Variants in TANGO6 observed in about 807,000 individuals in gnomAD.
TANGO6 encodes the protein transport and golgi organization 6 homolog, also known as transport and Golgi organization protein 6 homolog.
TANGO6 carries 90 observed loss-of-function variants against 114.2 expected under a neutral mutation model. The observed-to-expected ratio is 0.79, with a 90% CI of 0.66 to 0.94. The LOEUF (loss-of-function observed/expected upper bound fraction) is 0.94, where lower values mean the gene tolerates loss of function less well. TANGO6 is among the 40% of genes least tolerant of loss of function. The probability of loss-of-function intolerance (pLI) is 0.00; values close to 1 mark genes in which losing one functional copy is unlikely to be tolerated. For synonymous variants in TANGO6, 477 were observed against 509.8 expected (o/e 0.94, Z 0.87); for missense variants, 1,274 against 1,315.3 (o/e 0.97, Z 0.49).
At chr16:68,969,663 T>A (rs1963683459) in intron 14 of TANGO6, among the ~76,000 whole-genome samples, 1 of 151,142 alleles carries the variant, frequency 6.6e-6, no homozygotes, top group African/African-American at 2.4e-5. Context: ...CCCTAATGAG[T>A]TTAAAGTTTA....
chr16:69,058,617 G>C (rs1014965102), intron 17 of TANGO6, among the ~76,000 whole-genome samples: 2 of 152,194 alleles, frequency 1.3e-5, no homozygotes, highest in African/African-American at 2.4e-5. Flanking sequence ...TATTACAAGT[G>C]TATTAGGACA....
chr16:68,908,891 A>G (rs1055209102), intron 10 of TANGO6, among the ~76,000 whole-genome samples: 5 of 152,206 alleles, frequency 3.3e-5, no homozygotes, highest in African/African-American at 4.8e-5. Flanking sequence ...AGATTTTTAT[A>G]TACATGGTAT....
chr16:68,971,992 ACTT>A (rs1218616040), intron 14 of TANGO6, among the ~76,000 whole-genome samples: 1 of 152,030 alleles, frequency 6.6e-6, no homozygotes, highest in Non-Finnish European at 1.5e-5. Flanking sequence ...ACCTCCAAGG[ACTT>A]CTTCATCATT....
chr16:68,919,119 C>T lies in TANGO6; in HGVS notation c.2027C>T (p.Ala676Val). ...TTTGTAGCAGCAACATTGCAGAGAG[C>T]CTGTGCAAGCCTGGCCCATCAGGCA... ...VDFVAATLQR[A>V]CASLAHQAES... Residue 676 changes from alanine to valine, a missense_variant, in exon 12 of 18, where the codon GCC becomes GTC. This residue lies in a region of TANGO6 where 908 missense variants were observed against 910.2 expected (regional missense o/e 1.00). Transcript: ENST00000261778. 1 of 1,612,990 alleles carries T rather than the reference C, an allele frequency of 6.2e-7. No individual in the cohort carries two copies. The highest frequency in any genetic ancestry group is 8.5e-7 in the Non-Finnish European group (1 of 1,179,546).
At chr16:68,919,503 G>C (rs1963059686) in intron 12 of TANGO6, among the ~76,000 whole-genome samples, 1 of 152,128 alleles carries the variant, frequency 6.6e-6, no homozygotes, top group African/African-American at 2.4e-5. Flanking sequence ...TTTTGCATCT[G>C]AGGTGAATAC....
chr16:69,079,671 A>G (rs1960438322), intron 17 of TANGO6, among the ~76,000 whole-genome samples: 1 of 152,214 alleles, frequency 6.6e-6, no homozygotes, highest in Non-Finnish European at 1.5e-5. Context: ...TGTTGGAAGT[A>G]TGCAAATTCA....
intron 17 of TANGO6, among the ~76,000 whole-genome samples, chr16:69,064,009 G>C (rs1205313129): frequency 2.0e-5 from 3 of 151,870 alleles, no homozygotes; most frequent in Non-Finnish European, 4.4e-5. Flanking sequence ...GCTAATTTTT[G>C]TGTTTTTAGC....
chr16:68,922,182 G>A (rs1963102452), intron 12 of TANGO6, among the ~76,000 whole-genome samples: 1 of 151,470 alleles, frequency 6.6e-6, no homozygotes, highest in South Asian at 2.1e-4. Context: ...TCTGGGAAGA[G>A]GAGTTAATTT....
intron 15 of TANGO6, among the ~76,000 whole-genome samples, chr16:69,021,991 T>C (rs1000925717): frequency 1.3e-5 from 2 of 151,566 alleles, no homozygotes; most frequent in Non-Finnish European, 2.9e-5. Context: ...GTTCAGGCCA[T>C]TCTCCTACCT....
intron 3 of TANGO6, 67 bp from the exon 4 acceptor site, chr16:68,867,012 C>G (rs1263665013): frequency 1.2e-6 from 1 of 857,616 alleles, no homozygotes; most frequent in Non-Finnish European, 1.7e-6. Flanking sequence ...CAGGCATGAG[C>G]CACTACGCCC....
rs751028127 is a variant in TANGO6 at position 69,040,308 on chromosome 16, G to A, written c.2995G>A (p.Val999Ile). 2 of 1,600,430 alleles carry A rather than the reference G, an allele frequency of 1.2e-6. No individual in the cohort carries two copies. Among genetic ancestry groups the A allele is most frequent in the South Asian group, 2.3e-5 (2 of 88,262 alleles). The part of the protein sequence containing the change: ...DFLLGSVVHE[V>I]TACLIAVAKT... Reference sequence around the variant, plus strand: ...ACTTCATCTTCCTTCATCCTCCTAGGTAACAGCTTGCCTGATTGCTGTGGC... The same window carrying A: ...ACTTCATCTTCCTTCATCCTCCTAGATAACAGCTTGCCTGATTGCTGTGGC... Residue 999 changes from valine to isoleucine, a missense_variant and splice_region_variant, in exon 17 of 18, where the codon GTA becomes ATA. By Grantham distance (29) the Val-to-Ile change is conservative. Coordinates refer to ENST00000261778, the MANE Select transcript of TANGO6 (RefSeq NM_024562.2).
intron 17 of TANGO6, among the ~76,000 whole-genome samples, chr16:69,049,811 T>A (rs1030627475): frequency 1.3e-5 from 2 of 151,692 alleles, no homozygotes; most frequent in African/African-American, 4.8e-5. Context: ...CCTGAGCTCA[T>A]GTGATCCTTC....
intron 5 of TANGO6, 76 bp downstream of exon 5, chr16:68,875,366 T>C: frequency 6.6e-7 from 1 of 1,514,184 alleles, no homozygotes; most frequent in Non-Finnish European, 9.0e-7. Flanking sequence ...AATGTTCCTC[T>C]AGTATTGAGA....
intron 7 of TANGO6, among the ~76,000 whole-genome samples, chr16:68,883,892 C>A (rs971137497): frequency 2.6e-5 from 4 of 151,972 alleles, no homozygotes; most frequent in Admixed American, 2.6e-4. Context: ...AATGCAAACT[C>A]ATTCTCCATA....
Position 69,072,026 on chromosome 16 carries a change from C to CGTGTGTGTGTGTGT in TANGO6, c.3109-11430_3109-11417dup, listed in dbSNP as rs58310609. Among the ~76,000 whole-genome samples, 821 of 92,978 alleles carry CGTGTGTGTGTGTGT rather than the reference C, an allele frequency of 8.8e-3. 20 individuals are homozygous for CGTGTGTGTGTGTGT. Among genetic ancestry groups the CGTGTGTGTGTGTGT allele is most frequent in the Middle Eastern group, 0.014 (3 of 210 alleles). The allele number at this position is 92,978 out of a possible 152,430, so 61.0% of individuals were successfully genotyped here. On this transcript the variant is annotated intron_variant, in intron 17 of 17. Coordinates refer to ENST00000261778, the MANE Select transcript of TANGO6 (RefSeq NM_024562.2). ...AGGGAGGGTGAAGAGAGAGGGAGAC[C>CGTGTGTGTGTGTGT]GTGTGTGTGTGTGTGTGTGTGTGTG... is the stretch of plus-strand genomic sequence containing the variant.
In TANGO6 at chr16:68,843,644, C is replaced by T. The variant is rs1298771317; in HGVS notation, c.27C>T (p.Ser9=). Residue 9 remains serine, a synonymous_variant, in exon 1 of 18, where the codon AGC becomes AGT. Transcript: ENST00000261778. MAARQAVG[S]GAQETCGLDR... is the part of the protein sequence containing the mutation. ...TGGCGGCCCGACAGGCCGTGGGCAG[C>T]GGGGCTCAGGAGACATGCGGTCTGG... 6.2e-7 allele frequency: 1 copy of T among 1,613,616 alleles called. No individual in the cohort carries two copies. The highest frequency in any genetic ancestry group is 8.5e-7 in the Non-Finnish European group (1 of 1,179,696).
chr16:69,041,606 G>T lies in TANGO6; in HGVS notation c.3108+1185G>T, dbSNP rs189882827. Reference sequence around the variant, plus strand: ...CTACACAGCCACCTTTTCTCTTTACGTAGTGACTTGCTGTTGTTGCACCTC... The same window carrying T: ...CTACACAGCCACCTTTTCTCTTTACTTAGTGACTTGCTGTTGTTGCACCTC... On this transcript the variant is annotated intron_variant, in intron 17 of 17. Transcript: ENST00000261778. 1.9e-3 allele frequency among the ~76,000 whole-genome samples: 286 copies of T among 152,098 alleles called. 1 individual carries two copies. Among genetic ancestry groups the T allele is most frequent in the Middle Eastern group, 6.8e-3 (2 of 294 alleles).
intron 15 of TANGO6, among the ~76,000 whole-genome samples, chr16:68,999,495 T>C (rs1210435426): frequency 6.6e-6 from 1 of 152,194 alleles, no homozygotes; most frequent in African/African-American, 2.4e-5. Context: ...AACCAGTGTC[T>C]CTAGTTGTGT....
intron 16 of TANGO6, 29 bp downstream of exon 16, chr16:69,023,008 GC>G (rs1959437797): frequency 6.5e-7 from 1 of 1,535,944 alleles, no homozygotes; most frequent in South Asian, 1.3e-5. Flanking sequence ...TTTCTCTAAA[GC>G]GTGTTTTCAC....
Sources: allele counts gnomAD v4.1 joint callset (sites outside exome capture counted in the v4.1 genomes callset), GRCh38; gene constraint gnomAD v4.1.1; regional missense constraint gnomAD v4.1.1; transcripts MANE v1.5; gene names NCBI Gene and HGNC (gene_info 2026-07-23, HGNC 2026-07-21).